The following RDX variants were observed in gnomAD, a reference collection of about 807,000 sequenced individuals.
RDX encodes the protein deafness, autosomal recessive 24.
Under a neutral mutation model 83.7 loss-of-function variants are expected in RDX, and 32 were observed. The ratio of observed to expected loss-of-function variants is 0.38; its 90% CI spans 0.29 to 0.51. The LOEUF (loss-of-function observed/expected upper bound fraction) is 0.51, where lower values mean the gene tolerates loss of function less well. Among genes scored for constraint, RDX ranks in the 20% least tolerant of loss-of-function variants. The pLI is 0.87. For synonymous variants in RDX, 229 were observed against 222.7 expected, an observed-to-expected ratio of 1.03 and a Z score of -0.25; for missense variants, 600 against 689.9, an observed-to-expected ratio of 0.87 and a Z score of 1.46.
chr11:110,221,885 G>A (rs946456309), intron 14 of RDX, among the ~76,000 whole-genome samples: 5 of 151,924 alleles, frequency 3.3e-5, no homozygotes, highest in African/African-American at 7.3e-5. Context: ...TCAACTCCCC[G>A]ATTAACCACA....
At chr11:110,234,334 TAA>T (rs1864755801) in intron 12 of RDX, among the ~76,000 whole-genome samples, 1 of 152,124 alleles carries the variant, frequency 6.6e-6, no homozygotes, top group Non-Finnish European at 1.5e-5. Flanking sequence ...TGCCCTCCAT[TAA>T]AAGAGACTTA....
intron 3 of RDX, among the ~76,000 whole-genome samples, chr11:110,271,412 A>C (rs1371657656): frequency 6.6e-6 from 1 of 152,172 alleles, no homozygotes; most frequent in East Asian, 1.9e-4. Context: ...TATAAAAGTT[A>C]TCCTCCTCTA....
intron 1 of RDX, among the ~76,000 whole-genome samples, chr11:110,293,366 A>C (rs1277969443): frequency 6.6e-6 from 1 of 152,196 alleles, no homozygotes; most frequent in Non-Finnish European, 1.5e-5. Context: ...CTTTGCCATA[A>C]AATATATCAC....
At chr11:110,246,500 C>A (rs1477956772) in intron 10 of RDX, among the ~76,000 whole-genome samples, 5 of 152,148 alleles carry the variant, frequency 3.3e-5, no homozygotes, top group Non-Finnish European at 7.4e-5. Flanking sequence ...CAGGGCCGGG[C>A]ATGGTGGCTC....
intron 9 of RDX, 69 bp downstream of exon 9, chr11:110,253,877 A>C (rs1318502076): frequency 7.4e-7 from 1 of 1,350,488 alleles, no homozygotes; most frequent in Non-Finnish European, 1.1e-6. Flanking sequence ...CATTTAAAAA[A>C]CTGAGCAGTC....
rs1228746775 is a variant in RDX at position 110,231,222 on chromosome 11, A to C, written c.*647T>G. ...GACTGTGATTAAATAACCAAATATC[A>C]AATATCCAATAAGGTAATTAAATTT... On this transcript the variant is annotated 3_prime_UTR_variant, in exon 14 of 14. Coordinates refer to ENST00000645495, the MANE Select transcript of RDX (RefSeq NM_002906.4). The C allele has an allele frequency of 1.3e-5, 2 of 153,142 alleles. No individual in the cohort carries two copies. Among genetic ancestry groups the C allele is most frequent in the Middle Eastern group, 3.2e-3 (1 of 316 alleles). The allele number at this position is 153,142 out of a possible 1,614,324, so 9.5% of individuals were successfully genotyped here. A position where few individuals can be genotyped will look rare whatever the true frequency, so the allele number is the denominator to read the frequency against.
chr11:110,186,444 G>T (rs952587055), intron 15 of RDX, among the ~76,000 whole-genome samples: 4 of 151,222 alleles, frequency 2.6e-5, no homozygotes, highest in African/African-American at 2.4e-5. Flanking sequence ...TTTTTTCCCC[G>T]CAAGATGGTG....
At chr11:110,262,512 C>T (rs1302887471) in intron 5 of RDX, among the ~76,000 whole-genome samples, 2 of 151,686 alleles carry the variant, frequency 1.3e-5, no homozygotes, top group African/African-American at 4.8e-5. Flanking sequence ...CGCTTGAATC[C>T]GGGAGGCGGA....
intron 1 of RDX, among the ~76,000 whole-genome samples, chr11:110,294,551 A>T (rs993047964): frequency 2.2e-4 from 33 of 152,146 alleles, no homozygotes; most frequent in African/African-American, 7.5e-4. Flanking sequence ...TAAAAAAAAA[A>T]TCCAATTCTG....
chr11:110,258,012 A>G, intron 6 of RDX, 94 bp downstream of exon 6: 2 of 1,483,454 alleles, frequency 1.3e-6, no homozygotes, highest in Non-Finnish European at 1.9e-6. Flanking sequence ...TACATAAGTC[A>G]AACAATCTTT....
chr11:110,277,406 G>C (rs562636282), intron 2 of RDX, among the ~76,000 whole-genome samples: 1 of 151,994 alleles, frequency 6.6e-6, no homozygotes, highest in African/African-American at 2.4e-5. Context: ...TGCAACCTTC[G>C]CCTCCTGGAT....
chr11:110,294,359 A>G (rs1256221840), intron 1 of RDX, among the ~76,000 whole-genome samples: 4 of 152,272 alleles, frequency 2.6e-5, no homozygotes, highest in Admixed American at 6.5e-5. Flanking sequence ...ATGCCACTGC[A>G]TATCACCCTG....
chr11:110,244,518 A>T (rs1311708624), intron 10 of RDX, among the ~76,000 whole-genome samples: 1 of 152,118 alleles, frequency 6.6e-6, no homozygotes, highest in Non-Finnish European at 1.5e-5. Flanking sequence ...AACAGACAAA[A>T]CTTTAGAGAA....
intron 15 of RDX, among the ~76,000 whole-genome samples, chr11:110,192,178 T>C (rs994413378): frequency 6.6e-6 from 1 of 152,120 alleles, no homozygotes; most frequent in Non-Finnish European, 1.5e-5. Context: ...GATATGAGCA[T>C]AGAAACAGAC....
chr11:110,272,051 T>C (rs1860329752), intron 3 of RDX, among the ~76,000 whole-genome samples: 1 of 152,216 alleles, frequency 6.6e-6, no homozygotes, highest in African/African-American at 2.4e-5. Flanking sequence ...TAAATGAATT[T>C]TGTGTTTAGA....
chr11:110,241,927 CA>C (rs1565310520), intron 10 of RDX, among the ~76,000 whole-genome samples: 1 of 151,368 alleles, frequency 6.6e-6, no homozygotes, highest in Admixed American at 6.6e-5. Flanking sequence ...AAGCCAGTCA[CA>C]AAAAGACAAA....
intron 1 of RDX, among the ~76,000 whole-genome samples, chr11:110,282,424 GA>G (rs558173558): frequency 7.9e-5 from 12 of 151,200 alleles, no homozygotes; most frequent in Admixed American, 2.6e-4. Context: ...TTTTTGATAT[GA>G]AAAGACTGCT....
intron 10 of RDX, among the ~76,000 whole-genome samples, 190 bp downstream of exon 10, chr11:110,247,513 C>T (rs1432381917): frequency 8.6e-5 from 13 of 152,020 alleles, no homozygotes; most frequent in Non-Finnish European, 1.6e-4. Flanking sequence ...AGAGAAACAT[C>T]AGCACTGTAT....
At chr11:110,289,801 G>A (rs1027964266) in intron 1 of RDX, among the ~76,000 whole-genome samples, 1 of 151,316 alleles carries the variant, frequency 6.6e-6, no homozygotes, top group Non-Finnish European at 1.5e-5. Flanking sequence ...ATAAAAATTA[G>A]TCAGACGTGG....
Sources: gnomAD v4.1 joint callset for allele counts (sites outside exome capture counted in the v4.1 genomes callset) on GRCh38, gnomAD v4.1.1 for gene constraint, MANE v1.5 for transcripts, NCBI Gene and HGNC (gene_info 2026-07-23, HGNC 2026-07-21) for gene names.